Variants in KLHL6 observed in about 807,000 individuals in gnomAD.
KLHL6 encodes kelch-like protein 6.
Under a neutral mutation model 58.6 loss-of-function variants are expected in KLHL6, and 41 were observed. The ratio of observed to expected loss-of-function variants is 0.70; its 90% CI spans 0.55 to 0.91. The LOEUF is 0.91. Among genes scored for constraint, KLHL6 ranks in the 40% least tolerant of loss-of-function variants. KLHL6 has a pLI of 0.00. For synonymous variants in KLHL6, 338 were observed against 322.7 expected, an observed-to-expected ratio of 1.05 and a Z score of -0.51; for missense variants, 714 against 805.6, an observed-to-expected ratio of 0.89 and a Z score of 1.38.
In KLHL6 at chr3:183,555,688, C is replaced by T. The variant is rs1389282949; in HGVS notation, c.-35G>A. 1 of 1,539,726 alleles carries T rather than the reference C, an allele frequency of 6.5e-7. No homozygotes were observed. Among genetic ancestry groups the T allele is most frequent in the African/African-American group, 1.4e-5 (1 of 72,350 alleles). On this transcript the variant is annotated 5_prime_UTR_variant, in exon 1 of 7. Coordinates refer to ENST00000341319, the MANE Select transcript of KLHL6 (RefSeq NM_130446.4). ...AGGAGCGCCCAAGTGTCAGGCAGGC[C>T]CCATTGCAGGAGCTGAGCGGATTTC...
intron 1 of KLHL6, among the ~76,000 whole-genome samples, chr3:183,532,360 T>C (rs140841180): frequency 1.3e-5 from 2 of 152,308 alleles, no homozygotes; most frequent in East Asian, 1.9e-4. Context: ...CCAGACTCTA[T>C]AGAAGTGTGA....
chr3:183,499,433 T>C lies in KLHL6; in HGVS notation c.1147+157A>G, dbSNP rs566622097. On this transcript the variant is annotated intron_variant, in intron 4 of 6. Transcript: ENST00000341319. The surrounding 1 kb of genome is among the most constrained non-coding windows in gnomAD (Gnocchi z 4.6). ...TTAAGTAGCAATGTACTCTCCAAGATAAGACCACCTGAGCTCCTGGGTCCA... is the reference window on the plus strand; with the variant it reads ...TTAAGTAGCAATGTACTCTCCAAGACAAGACCACCTGAGCTCCTGGGTCCA... 6.6e-6 allele frequency among the ~76,000 whole-genome samples: 1 copy of C among 152,170 alleles called. No individual in the cohort carries two copies. The highest frequency in any genetic ancestry group is 1.5e-5 in the Non-Finnish European group (1 of 68,034).
chr3:183,546,734 T>G (rs1206197583), intron 1 of KLHL6, among the ~76,000 whole-genome samples: 5 of 152,208 alleles, frequency 3.3e-5, no homozygotes, highest in Non-Finnish European at 7.3e-5. Context: ...AATAAATTAA[T>G]AAATGAATCC....
intron 2 of KLHL6, among the ~76,000 whole-genome samples, chr3:183,517,387 G>C (rs990819826): frequency 6.6e-6 from 1 of 152,208 alleles, no homozygotes; most frequent in African/African-American, 2.4e-5. Context: ...CCCGGGCGAT[G>C]CTCCAGCTCC....
At chr3:183,511,998 C>T (rs1199713084) in intron 2 of KLHL6, among the ~76,000 whole-genome samples, 1 of 152,240 alleles carries the variant, frequency 6.6e-6, no homozygotes, top group Non-Finnish European at 1.5e-5. Context: ...CTGCCGGCAG[C>T]TCTGCTCTTT....
intron 1 of KLHL6, among the ~76,000 whole-genome samples, chr3:183,537,106 T>C (rs1712390617): frequency 6.6e-6 from 1 of 152,140 alleles, no homozygotes; most frequent in African/African-American, 2.4e-5. Flanking sequence ...AAGATGAAAC[T>C]AAGGGGAAAT....
At chr3:183,536,996 C>G (rs1167451631) in intron 1 of KLHL6, among the ~76,000 whole-genome samples, 1 of 152,146 alleles carries the variant, frequency 6.6e-6, no homozygotes, top group Non-Finnish European at 1.5e-5. Context: ...CTTTGACTCC[C>G]CAAGGCCCAG....
chr3:183,505,234 C>T (rs1717971282), intron 3 of KLHL6, among the ~76,000 whole-genome samples: 2 of 152,180 alleles, frequency 1.3e-5, no homozygotes, highest in Non-Finnish European at 2.9e-5. Flanking sequence ...TTAAATGTCC[C>T]ATCTTCTCTG....
rs370780839 is a variant in KLHL6 at position 183,527,527 on chromosome 3, G to A, written c.459+318C>T. On this transcript the variant is annotated intron_variant, in intron 2 of 6. Coordinates refer to ENST00000341319, the MANE Select transcript of KLHL6 (RefSeq NM_130446.4). ...AGCCACTGGCTCCAATTAAGCTTCT[G>A]CAAGTTGTACTTATTGTTCTTGGAG... 3.9e-5 allele frequency among the ~76,000 whole-genome samples: 6 copies of A among 152,132 alleles called. No homozygotes were observed. In the South Asian group the frequency reaches 6.2e-4, roughly 16 times the overall value.
chr3:183,542,993 A>C (rs1237707799), intron 1 of KLHL6, among the ~76,000 whole-genome samples: 1 of 152,218 alleles, frequency 6.6e-6, no homozygotes, highest in Non-Finnish European at 1.5e-5. Flanking sequence ...GTATTTGCAC[A>C]TTAAGAGAGA....
At chr3:183,498,619 G>T (rs1717779517) in intron 4 of KLHL6, among the ~76,000 whole-genome samples, 1 of 152,206 alleles carries the variant, frequency 6.6e-6, no homozygotes, top group East Asian at 1.9e-4. Context: ...GATGTGAGAG[G>T]CAAGCAATTA....
chr3:183,543,858 TTG>T (rs1282232802), intron 1 of KLHL6, among the ~76,000 whole-genome samples: 1 of 152,172 alleles, frequency 6.6e-6, no homozygotes, highest in East Asian at 1.9e-4. Flanking sequence ...TTTGGTTTGA[TTG>T]TGTTTTAAAG....
rs1446533681 is a variant in KLHL6, at chr3:183,492,143, G to A, written c.1650C>T (p.Ser550=). ...GGTTGTTGCAGGGCGCGATACCGCA[G>A]CTGGCCCGCTCGTGGCTGAGCTGGG... ...LVTQLSHERA[S]CGIAPCNNRL... The change falls in exon 7 of 7, where the codon AGC becomes AGT. Residue 550 remains serine, a synonymous_variant. Transcript: ENST00000341319. The surrounding 1 kb of genome is among the most constrained non-coding windows in gnomAD (Gnocchi z 5.9). 1 of 1,613,630 alleles carries A rather than the reference G, an allele frequency of 6.2e-7. No individual in the cohort carries two copies. The highest frequency in any genetic ancestry group is 1.1e-5 in the South Asian group (1 of 91,070).
chr3:183,529,916 C>T (rs12485246), intron 1 of KLHL6, among the ~76,000 whole-genome samples: 65,423 of 151,836 alleles, frequency 0.43, 16,702 homozygotes, highest in Non-Finnish European at 0.58. Flanking sequence ...GATTGATGTT[C>T]TTATAAGAAG....
At chr3:183,541,831 C>T (rs1225784317) in intron 1 of KLHL6, among the ~76,000 whole-genome samples, 4 of 152,182 alleles carry the variant, frequency 2.6e-5, no homozygotes, top group Admixed American at 2.6e-4. Context: ...AAGTCCAGAA[C>T]TTGAGATGTT....
chr3:183,531,837 C>G (rs768310124), intron 1 of KLHL6, among the ~76,000 whole-genome samples: 3 of 152,134 alleles, frequency 2.0e-5, no homozygotes, highest in Non-Finnish European at 4.4e-5. Flanking sequence ...TTGTCTTGTT[C>G]CACAGGTTCA....
At chr3:183,527,761 G>A in intron 2 of KLHL6, 84 bp downstream of exon 2, 6 of 1,233,224 alleles carry the variant, frequency 4.9e-6, no homozygotes, top group Non-Finnish European at 7.0e-6. Context: ...GTACAGGCCT[G>A]GGAGCTAGAC....
At chr3:183,554,429 AT>A (rs1380015283) in intron 1 of KLHL6, among the ~76,000 whole-genome samples, 1 of 152,230 alleles carries the variant, frequency 6.6e-6, no homozygotes, top group African/African-American at 2.4e-5. Flanking sequence ...CACCTTACAG[AT>A]GATGAAACAG....
At chr3:183,494,984 G>C (rs969619362) in intron 4 of KLHL6, among the ~76,000 whole-genome samples, 2 of 152,190 alleles carry the variant, frequency 1.3e-5, no homozygotes, top group African/African-American at 2.4e-5. Flanking sequence ...CAAAGACAAA[G>C]GAGAACTGAC....
Sources: gnomAD v4.1 joint callset for allele counts (sites outside exome capture counted in the v4.1 genomes callset) on GRCh38, gnomAD v4.1.1 for gene constraint, Gnocchi (gnomAD v3.1) non-coding constraint, MANE v1.5 for transcripts, NCBI Gene and HGNC (gene_info 2026-07-23, HGNC 2026-07-21) for gene names.